Variants in SCUBE2 observed in about 807,000 individuals in gnomAD.
The protein encoded by SCUBE2 is signal peptide, CUB domain and EGF like domain containing 2.
Under a neutral mutation model 125.9 loss-of-function variants are expected in SCUBE2, and 114 were observed. The ratio of observed to expected loss-of-function variants is 0.91; its 90% CI spans 0.78 to 1.06. The LOEUF is 1.06. Ranked by LOEUF, SCUBE2 falls within the 50% of genes least tolerant of loss-of-function variation. The pLI, the probability that SCUBE2 is intolerant of heterozygous loss-of-function variation, is 0.00. For synonymous variants in SCUBE2, 459 were observed against 492.9 expected (o/e 0.93, Z 0.91); for missense variants, 1,255 against 1,301.8 (o/e 0.96, Z 0.55).
chr11:9,060,413 C>G lies in SCUBE2; in HGVS notation c.962G>C (p.Cys321Ser). ...GFTLQLDGKTCKDIDECQTRN... is the reference protein window; with the variant it reads ...GFTLQLDGKTSKDIDECQTRN... Reference sequence around the variant, plus strand: ...CCTGGGGAGGTGAAGGCTACCTTTACATGTCTTCCCATCCAACTGGAGAGT... The same window carrying G: ...CCTGGGGAGGTGAAGGCTACCTTTAGATGTCTTCCCATCCAACTGGAGAGT... The change falls in exon 8 of 23, where the codon TGT becomes TCT. Residue 321 changes from cysteine (C) to serine (S), a missense_variant. Physicochemically the swap from Cys to Ser is moderately radical, Grantham distance 112. Transcript: ENST00000649792. The G allele has an allele frequency of 6.2e-7, 1 of 1,613,214 alleles. No homozygotes were observed. Among genetic ancestry groups the G allele is most frequent in the African/African-American group, 1.3e-5 (1 of 75,042 alleles).
At position 9,047,257 on chromosome 11, in the gene SCUBE2, C is replaced by T. The variant is rs117119907; in HGVS notation, c.2002+99G>A. The T allele has an allele frequency of 7.3e-3, 8,828 of 1,206,154 alleles. 41 individuals carry two copies. Among genetic ancestry groups the T allele is most frequent in the Non-Finnish European group, 8.2e-3 (6,761 of 825,388 alleles). 74.7% of individuals were successfully genotyped at this position (1,206,154 alleles called of 1,614,324 possible). A position where few individuals can be genotyped will look rare whatever the true frequency, so the allele number is the denominator to read the frequency against. On this transcript the variant is annotated intron_variant, in intron 16 of 22. Transcript: ENST00000649792. ...TGCCCGGAGTGTTCTCTAAAGTGAG[C>T]CCTGAGAAGGGAGGATGGGCCAGAC...
intron 9 of SCUBE2, among the ~76,000 whole-genome samples, chr11:9,058,076 CCTCT>C (rs1859276242): frequency 6.6e-6 from 1 of 152,164 alleles, no homozygotes; most frequent in African/African-American, 2.4e-5. Context: ...GGTCTGAAAT[CCTCT>C]CTAAGGATCA....
chr11:9,079,618 C>G (rs1193023183), intron 2 of SCUBE2, 109 bp from the exon 3 acceptor site: 50 of 1,155,840 alleles, frequency 4.3e-5, no homozygotes, highest in Non-Finnish European at 3.4e-5. Flanking sequence ...GAAAATACAT[C>G]CCTAACAATA....
At position 9,089,858 on chromosome 11, in the gene SCUBE2, A is replaced by G. The variant is rs1862481857; in HGVS notation, c.134-29T>C. The G allele has an allele frequency of 2.5e-6, 4 of 1,610,340 alleles. No homozygotes were observed. In the African/African-American group the frequency reaches 5.3e-5, roughly 21 times the overall value. On this transcript the variant is annotated intron_variant, in intron 1 of 22. Coordinates refer to ENST00000649792, the MANE Select transcript of SCUBE2 (RefSeq NM_001367977.2). ...CAAAAGAGCACAGCTGACACCTGGT[A>G]CAGGCTCCCAGGCCATGTGTGATCT... is the stretch of plus-strand genomic sequence containing the variant.
At chr11:9,070,524 T>C (rs1860692087) in intron 4 of SCUBE2, among the ~76,000 whole-genome samples, 1 of 152,234 alleles carries the variant, frequency 6.6e-6, no homozygotes, top group South Asian at 2.1e-4. Flanking sequence ...TCGTGCAATG[T>C]AACTCTAAAA....
intron 16 of SCUBE2, among the ~76,000 whole-genome samples, chr11:9,046,718 G>A (rs982226346): frequency 1.3e-5 from 2 of 152,132 alleles, no homozygotes; most frequent in African/African-American, 4.8e-5. Flanking sequence ...TTTCCACTTT[G>A]TTTCTTTTTA....
At chr11:9,028,513 C>T (rs1012043213) in intron 19 of SCUBE2, among the ~76,000 whole-genome samples, 2 of 152,146 alleles carry the variant, frequency 1.3e-5, no homozygotes, top group African/African-American at 4.8e-5. Flanking sequence ...GAAGTGTCAC[C>T]CAAAGCTCTG....
chr11:9,025,479 C>T (rs922073969), intron 21 of SCUBE2: 18 of 467,510 alleles, frequency 3.9e-5, no homozygotes, highest in Admixed American at 2.5e-4. Flanking sequence ...ACTCACCAAG[C>T]TATGCTCACT....
intron 3 of SCUBE2, among the ~76,000 whole-genome samples, chr11:9,075,326 G>A (rs1337941220): frequency 6.6e-6 from 1 of 152,142 alleles, no homozygotes; most frequent in African/African-American, 2.4e-5. Context: ...AATCACATCT[G>A]GTCATGGGGT....
At chr11:9,073,289 C>G (rs1408360298) in intron 4 of SCUBE2, among the ~76,000 whole-genome samples, 2 of 152,154 alleles carry the variant, frequency 1.3e-5, no homozygotes, top group Non-Finnish European at 2.9e-5. Flanking sequence ...AGGGCCACAC[C>G]TGGCACAAGA....
At chr11:9,028,214 A>AT (rs5789593) in intron 19 of SCUBE2, among the ~76,000 whole-genome samples, 1,803 of 135,990 alleles carry the variant, frequency 0.013, 34 homozygotes, top group African/African-American at 0.049. Flanking sequence ...TTTTTTCCTC[A>AT]TTTTTTTTTG....
In SCUBE2 at chr11:9,024,156, C is replaced by G. The variant is rs929140675; in HGVS notation, c.2854+1546G>C. The G allele has an allele frequency of 7.7e-6, 8 of 1,042,994 alleles. No homozygotes were observed. The African/African-American group carries it at 1.3e-4, about 17-fold the overall frequency. 64.6% of individuals were successfully genotyped at this position (1,042,994 alleles called of 1,614,324 possible). On this transcript the variant is annotated intron_variant, in intron 21 of 22. Coordinates refer to ENST00000649792, the MANE Select transcript of SCUBE2 (RefSeq NM_001367977.2). ...ATTTTCCCCAGTTGGAGCTACAACT[C>G]TTTTTCATTTTAAAAAAAATCAAGA...
intron 17 of SCUBE2, among the ~76,000 whole-genome samples, chr11:9,032,178 G>A (rs1443809069): frequency 6.6e-6 from 1 of 151,920 alleles, no homozygotes; most frequent in African/African-American, 2.4e-5. Context: ...GAGTGCAGTG[G>A]CACAATCACA....
At chr11:9,039,580 C>T (rs1336355021) in intron 16 of SCUBE2, among the ~76,000 whole-genome samples, 1 of 152,198 alleles carries the variant, frequency 6.6e-6, no homozygotes, top group Non-Finnish European at 1.5e-5. Context: ...AGGCGGAATA[C>T]TACACCTCGG....
chr11:9,025,789 A>C lies in SCUBE2; in HGVS notation c.2767T>G (p.Ser923Ala). 6.2e-7 allele frequency: 1 copy of C among 1,614,132 alleles called. No homozygotes were observed. ...TGAATCCACAGCTTCTTTGACCTGGAGGTGAAGGCGATGGGGCGTTCGTAG... is the reference window on the plus strand; with the variant it reads ...TGAATCCACAGCTTCTTTGACCTGGCGGTGAAGGCGATGGGGCGTTCGTAG... ...QTYERPIAFT[S>A]RSKKLWIQFK... The change falls in exon 21 of 23, where the codon TCC (serine) becomes GCC (alanine). Residue 923 changes from serine to alanine, a missense_variant. Physicochemically the swap from Ser to Ala is moderately conservative, Grantham distance 99 (BLOSUM62 1). Around this residue, in one of 3 missense-constraint regions of SCUBE2, gnomAD observed 515 missense variants for 515.7 expected, o/e 1.00. Transcript: ENST00000649792.
chr11:9,060,643 T>A lies in SCUBE2; in HGVS notation c.851-119A>T, dbSNP rs533170808. The A allele has an allele frequency of 7.1e-4, 531 of 751,726 alleles. 8 individuals are homozygous for A. Among genetic ancestry groups the A allele is most frequent in the South Asian group, 5.9e-3 (376 of 63,220 alleles). 46.6% of individuals were successfully genotyped at this position (751,726 alleles called of 1,614,324 possible). ...TCATGGTCATACCCCAAGTCTCTGCTACCTGCAGATGGGCTAGAGGGAGAG... is the reference window on the plus strand; with the variant it reads ...TCATGGTCATACCCCAAGTCTCTGCAACCTGCAGATGGGCTAGAGGGAGAG... On this transcript the variant is annotated intron_variant, in intron 7 of 22. Transcript: ENST00000649792.
chr11:9,029,852 A>C (rs1445632101), intron 19 of SCUBE2, 32 bp downstream of exon 19: 2 of 1,613,494 alleles, frequency 1.2e-6, no homozygotes, highest in Admixed American at 3.3e-5. Flanking sequence ...CTTCTTAGCC[A>C]GAACTATGAA....
rs527589704 is a variant in SCUBE2 at position 9,084,376 on chromosome 11, A to C, written c.257-4867T>G. ...TTAACACATGTTTAAGGAATTAAAG[A>C]AATGCAAAATTACCAGGAGACACAC... On this transcript the variant is annotated intron_variant, in intron 2 of 22. Transcript: ENST00000649792. 4.6e-5 allele frequency among the ~76,000 whole-genome samples: 7 copies of C among 152,328 alleles called. No homozygotes were observed. In the South Asian group the frequency reaches 1.5e-3, roughly 32 times the overall value.
At chr11:9,060,260 G>C in intron 8 of SCUBE2, 148 bp downstream of exon 8, 1 of 617,728 alleles carries the variant, frequency 1.6e-6, no homozygotes, top group Non-Finnish European at 2.9e-6. Context: ...CTAGCCCAGG[G>C]GGAAAAAGCT....
Sources: allele counts gnomAD v4.1 joint callset (sites outside exome capture counted in the v4.1 genomes callset), GRCh38; gene constraint gnomAD v4.1.1; regional missense constraint gnomAD v4.1.1; transcripts MANE v1.5; gene names NCBI Gene and HGNC (gene_info 2026-07-23, HGNC 2026-07-21).